Variants in ADGRV1 observed in about 807,000 individuals in gnomAD.
ADGRV1 encodes adhesion G protein-coupled receptor V1, also known as G-protein coupled receptor 98.
A neutral mutation model predicts 596.2 loss-of-function variants in ADGRV1; 359 were observed. That is an observed-to-expected ratio of 0.60 (90% CI 0.55 to 0.66). ADGRV1 has a LOEUF of 0.66. Ranked by LOEUF, ADGRV1 falls within the 30% of genes least tolerant of loss-of-function variation. ADGRV1 has a pLI of 0.00. For missense variants in ADGRV1, 7,274 were observed against 7,575.6 expected (o/e 0.96, Z 1.48); for synonymous variants, 2,681 against 2,679.2 (o/e 1.00, Z -0.02).
rs1289977810 is a variant in ADGRV1, at chr5:90,745,200, A to T, written c.10704A>T (p.Leu3568=). ...ATTCAAGCAAGAATTTAATAGCTCT[A>T]GTGGGAGCTCATTCACATATATATG... ...SLNSSKNLIA[L]VGAHSHIYEL... The change falls in exon 51 of 90, where the codon CTA becomes CTT. Residue 3568 remains leucine (L), a synonymous_variant. Transcript: ENST00000405460. 6.2e-7 allele frequency: 1 copy of T among 1,612,296 alleles called. No individual in the cohort carries two copies. The highest frequency in any genetic ancestry group is 1.1e-5 in the South Asian group (1 of 91,062).
At chr5:90,795,086 GTTTTTTTTTTTT>G (rs35362542) in intron 70 of ADGRV1, among the ~76,000 whole-genome samples, 2 of 120,450 alleles carry the variant, frequency 1.7e-5, no homozygotes, top group Admixed American at 8.7e-5. Flanking sequence ...AGCTGCAGAA[GTTTTTTTTTTTT>G]TTTTTTTTTT....
intron 59 of ADGRV1, among the ~76,000 whole-genome samples, chr5:90,769,005 G>C (rs1757421117): frequency 6.6e-6 from 1 of 152,124 alleles, no homozygotes; most frequent in Non-Finnish European, 1.5e-5. Flanking sequence ...TAGAATGATG[G>C]TGAGTTTTAT....
chr5:91,078,759 C>T (rs1198038614), intron 86 of ADGRV1, among the ~76,000 whole-genome samples: 1 of 152,176 alleles, frequency 6.6e-6, no homozygotes, highest in African/African-American at 2.4e-5. Flanking sequence ...GTGAAGAAGG[C>T]TTCTTGTAGG....
intron 85 of ADGRV1, among the ~76,000 whole-genome samples, chr5:91,028,724 T>A (rs1784221251): frequency 7.0e-6 from 1 of 141,976 alleles, no homozygotes; most frequent in South Asian, 2.3e-4. Context: ...GTGAAAACAC[T>A]AGACTCTGTT....
At chr5:90,926,887 A>G (rs955771826) in intron 83 of ADGRV1, among the ~76,000 whole-genome samples, 1 of 152,130 alleles carries the variant, frequency 6.6e-6, no homozygotes, top group Middle Eastern at 3.4e-3. Flanking sequence ...TCATTTCGTT[A>G]TGTACCCAGT....
At chr5:90,910,184 G>A (rs921174915) in intron 83 of ADGRV1, among the ~76,000 whole-genome samples, 1 of 152,244 alleles carries the variant, frequency 6.6e-6, no homozygotes, top group Non-Finnish European at 1.5e-5. Flanking sequence ...CCAAGAGCCT[G>A]CAGGTTGAAG....
chr5:91,005,813 A>G (rs569402606), intron 85 of ADGRV1, among the ~76,000 whole-genome samples: 93 of 152,290 alleles, frequency 6.1e-4, no homozygotes, highest in South Asian at 1.4e-3. Context: ...GTCTATTGCA[A>G]TAGCCTCAAA....
intron 42 of ADGRV1, among the ~76,000 whole-genome samples, chr5:90,715,400 G>A (rs962899260): frequency 1.3e-5 from 2 of 152,176 alleles, no homozygotes; most frequent in African/African-American, 4.8e-5. Flanking sequence ...TCATTTGAGA[G>A]TTGCTCTTGG....
rs1372772318 is a variant in ADGRV1 at position 90,627,144 on chromosome 5, A to T, written c.673-67A>T. The T allele has an allele frequency of 7.3e-6, 6 of 826,316 alleles. No homozygotes were observed. In the East Asian group the frequency reaches 1.6e-4, roughly 22 times the overall value. 51.2% of individuals were successfully genotyped at this position (826,316 alleles called of 1,614,324 possible). On this transcript the variant is annotated intron_variant, in intron 6 of 89. Coordinates refer to ENST00000405460, the MANE Select transcript of ADGRV1 (RefSeq NM_032119.4). ...TTGTATTGAAACATAATGACTTGTT[A>T]CACTTTAGTTTATTTGCAGGTGTTT...
At chr5:91,129,336 A>G (rs1253579950) in intron 87 of ADGRV1, among the ~76,000 whole-genome samples, 1 of 152,246 alleles carries the variant, frequency 6.6e-6, no homozygotes, top group Non-Finnish European at 1.5e-5. Flanking sequence ...TGGAAAAGGA[A>G]GAGTTCTCCC....
chr5:90,751,043 A>T (rs1755192414), intron 53 of ADGRV1, among the ~76,000 whole-genome samples: 1 of 152,204 alleles, frequency 6.6e-6, no homozygotes, highest in Non-Finnish European at 1.5e-5. Context: ...TGGAAGTAGT[A>T]AGTAGGGAAC....
chr5:91,023,222 G>T (rs373259713), intron 85 of ADGRV1, among the ~76,000 whole-genome samples: 1 of 152,132 alleles, frequency 6.6e-6, no homozygotes, highest in East Asian at 1.9e-4. Context: ...ACACTCTTGT[G>T]ATTCAAAACA....
chr5:91,123,419 T>G (rs1422349179), intron 87 of ADGRV1, among the ~76,000 whole-genome samples: 1 of 152,118 alleles, frequency 6.6e-6, no homozygotes, highest in Non-Finnish European at 1.5e-5. Context: ...GATGGTGCCT[T>G]CTCTGTGTCC....
At chr5:90,971,276 G>A (rs1174226141) in intron 84 of ADGRV1, among the ~76,000 whole-genome samples, 2 of 152,294 alleles carry the variant, frequency 1.3e-5, no homozygotes, top group African/African-American at 2.4e-5. Flanking sequence ...AAAACACTTT[G>A]CAGGATATTA....
At chr5:90,688,406 G>T (rs538984792) in intron 29 of ADGRV1, among the ~76,000 whole-genome samples, 1 of 152,324 alleles carries the variant, frequency 6.6e-6, no homozygotes, top group African/African-American at 2.4e-5. Context: ...CACCCAGGGT[G>T]GAGTGCAGTG....
intron 70 of ADGRV1, among the ~76,000 whole-genome samples, chr5:90,798,693 C>T (rs951838351): frequency 2.0e-5 from 3 of 152,114 alleles, no homozygotes; most frequent in Admixed American, 2.0e-4. Context: ...TACTGGCAAA[C>T]CAAATCCAGC....
At chr5:90,714,445 C>G (rs1036940976) in intron 42 of ADGRV1, among the ~76,000 whole-genome samples, 4 of 151,556 alleles carry the variant, frequency 2.6e-5, no homozygotes, top group Admixed American at 2.0e-4. Context: ...ATTATAATGT[C>G]TCTTATTATA....
rs765377181 is a variant in ADGRV1 at position 90,810,793 on chromosome 5, T to C, written c.15533T>C (p.Ile5178Thr). Residue 5178 changes from isoleucine to threonine, a missense_variant, in exon 74 of 90, where the codon ATT (isoleucine) becomes ACT (threonine). Around this residue, in one of 5 missense-constraint regions of ADGRV1, gnomAD observed 1,874 missense variants for 1,970.2 expected, o/e 0.95. Coordinates refer to ENST00000405460, the MANE Select transcript of ADGRV1 (RefSeq NM_032119.4). Reference protein sequence around the residue: ...TILQPTNVVAIVTEATGVSAI... With the variant: ...TILQPTNVVATVTEATGVSAI... Reference sequence around the variant, plus strand: ...CTGCAGCCAACCAACGTGGTTGCCATTGTTACTGAGGCAACTGGTGTATCT... The same window carrying C: ...CTGCAGCCAACCAACGTGGTTGCCACTGTTACTGAGGCAACTGGTGTATCT... 2 of 1,613,994 alleles carry C rather than the reference T, an allele frequency of 1.2e-6. No homozygotes were observed. The highest frequency in any genetic ancestry group is 1.7e-5 in the Admixed American group (1 of 60,028).
At chr5:91,150,433 C>T (rs1391042752) in intron 88 of ADGRV1, among the ~76,000 whole-genome samples, 2 of 152,162 alleles carry the variant, frequency 1.3e-5, no homozygotes, top group Non-Finnish European at 2.9e-5. Context: ...CTTACTATAG[C>T]GTCACACCCA....
Sources: allele counts gnomAD v4.1 joint callset (sites outside exome capture counted in the v4.1 genomes callset), GRCh38; gene constraint gnomAD v4.1.1; regional missense constraint gnomAD v4.1.1; transcripts MANE v1.5; gene names NCBI Gene and HGNC (gene_info 2026-07-23, HGNC 2026-07-21).